The following PPARD variants were observed in gnomAD, a reference collection of about 807,000 sequenced individuals.
PPARD encodes the protein peroxisome proliferator activated receptor delta.
A neutral mutation model predicts 39.5 loss-of-function variants in PPARD; 6 were observed. That is an observed-to-expected ratio of 0.15 (90% CI 0.08 to 0.30). PPARD has a LOEUF of 0.30. Among genes scored for constraint, PPARD ranks in the 10% least tolerant of loss-of-function variants. PPARD has a pLI of 1.00. For missense variants in PPARD, 397 were observed against 596.8 expected (o/e 0.67, Z 3.49); for synonymous variants, 210 against 231.3 (o/e 0.91, Z 0.83).
intron 2 of PPARD, among the ~76,000 whole-genome samples, chr6:35,409,675 CCGA>C (rs1280882831): frequency 6.6e-6 from 1 of 151,960 alleles, no homozygotes; most frequent in East Asian, 1.9e-4. Flanking sequence ...AGACTAGTAC[CCGA>C]TAGTTATTTT....
intron 5 of PPARD, 22 bp from the exon 6 acceptor site, chr6:35,423,924 G>T: frequency 6.2e-7 from 1 of 1,612,798 alleles, no homozygotes; most frequent in South Asian, 1.1e-5. Context: ...GCTCCTTGCT[G>T]ACTGCCCCCT....
At chr6:35,343,983 C>CT (rs11420189) in intron 1 of PPARD, among the ~76,000 whole-genome samples, 27,683 of 150,626 alleles carry the variant, frequency 0.18, 5,785 homozygotes, top group African/African-American at 0.51. Context: ...GGCTCCAGAA[C>CT]TTTTTTTTTT....
chr6:35,374,954 C>G (rs1762721715), intron 2 of PPARD, among the ~76,000 whole-genome samples: 1 of 152,140 alleles, frequency 6.6e-6, no homozygotes, highest in Admixed American at 6.5e-5. Context: ...CCTAATGTCA[C>G]TCCTGTTTTT....
In PPARD at chr6:35,373,449, A is replaced by G. The variant is rs540323574; in HGVS notation, c.-102+26299A>G. On this transcript the variant is annotated intron_variant, in intron 2 of 7. Coordinates refer to ENST00000360694, the MANE Select transcript of PPARD (RefSeq NM_006238.5). ...ACTGGACACGCAGCTGCATGGATCA[A>G]TGTACCCCTGTAATTATGTAACAAG... Among the ~76,000 whole-genome samples, 19 of 152,342 alleles carry G rather than the reference A, an allele frequency of 1.2e-4. No individual in the cohort carries two copies. In the East Asian group the frequency reaches 1.5e-3, roughly 12 times the overall value.
chr6:35,386,646 T>C (rs1305196612), intron 2 of PPARD, among the ~76,000 whole-genome samples: 1 of 152,122 alleles, frequency 6.6e-6, no homozygotes, highest in African/African-American at 2.4e-5. Context: ...AAAATGATGA[T>C]AGAATCTACC....
At chr6:35,358,031 G>C (rs1761720928) in intron 2 of PPARD, among the ~76,000 whole-genome samples, 1 of 152,072 alleles carries the variant, frequency 6.6e-6, no homozygotes, top group Non-Finnish European at 1.5e-5. Flanking sequence ...TATAACCCCT[G>C]TAACCTGTGA....
chr6:35,424,054 T>C lies in PPARD; in HGVS notation c.533T>C (p.Phe178Ser), dbSNP rs2150857983. The part of the protein sequence containing the change: ...YNPQVADLKA[F>S]SKHIYNAYLK... ...CCACAGGTGGCCGACCTGAAGGCCT[T>C]CTCCAAGCACATCTACAATGCCTAC... The change falls in exon 6 of 8, where the codon TTC (phenylalanine) becomes TCC (serine). Residue 178 changes from phenylalanine to serine, a missense_variant. Physicochemically the swap from Phe to Ser is radical, Grantham distance 155. Coordinates refer to ENST00000360694, the MANE Select transcript of PPARD (RefSeq NM_006238.5). This position sits in a 1 kb window ranked among gnomAD's most constrained non-coding sequence, Gnocchi z 7.1. 4 of 1,614,152 alleles carry C rather than the reference T, an allele frequency of 2.5e-6. No individual in the cohort carries two copies. In the South Asian group the frequency reaches 4.4e-5, roughly 18 times the overall value.
At chr6:35,407,760 A>G (rs1041164366) in intron 2 of PPARD, among the ~76,000 whole-genome samples, 1 of 151,546 alleles carries the variant, frequency 6.6e-6, no homozygotes, top group Non-Finnish European at 1.5e-5. Context: ...GAGTCTGAAT[A>G]TATTATAAAA....
chr6:35,413,777 G>A (rs1464920721), intron 3 of PPARD, among the ~76,000 whole-genome samples: 3 of 151,390 alleles, frequency 2.0e-5, no homozygotes, highest in Non-Finnish European at 4.4e-5. Flanking sequence ...TCTGCCTCCC[G>A]GGCTCAAGCG....
At chr6:35,355,124 G>A (rs1341235113) in intron 2 of PPARD, among the ~76,000 whole-genome samples, 1 of 152,110 alleles carries the variant, frequency 6.6e-6, no homozygotes, top group Non-Finnish European at 1.5e-5. Flanking sequence ...CCTCAGCCTG[G>A]GAGCCTCATC....
intron 3 of PPARD, among the ~76,000 whole-genome samples, chr6:35,414,453 G>A (rs1324641151): frequency 6.6e-6 from 1 of 152,148 alleles, no homozygotes; most frequent in Non-Finnish European, 1.5e-5. Flanking sequence ...CTGTTTAAAA[G>A]GGGGGTGAGG....
chr6:35,408,989 T>C (rs1765246922), intron 2 of PPARD, among the ~76,000 whole-genome samples: 1 of 152,152 alleles, frequency 6.6e-6, no homozygotes, highest in African/African-American at 2.4e-5. Context: ...TTCATTTAGT[T>C]GTGTCTCTGT....
chr6:35,410,321 A>C (rs1193950371), intron 2 of PPARD, among the ~76,000 whole-genome samples: 1 of 152,154 alleles, frequency 6.6e-6, no homozygotes, highest in African/African-American at 2.4e-5. Context: ...AAGGGTTGGA[A>C]CTGTCTCCTC....
rs540687692 is a variant in PPARD at position 35,377,871 on chromosome 6, C to CTTTTTTTTTTTTTTTTTTTTTTTT, written c.-102+30732_-102+30733insTTTTTTTTTTTTTTTTTTTTTTTT. ...TGTGGGTCGCTGCTTGTTTACGTAT[C>CTTTTTTTTTTTTTTTTTTTTTTTT]TTTTTTTTTTTGAGACAGAGTGTTG... On this transcript the variant is annotated intron_variant, in intron 2 of 7. Transcript: ENST00000360694. 1.9e-3 allele frequency among the ~76,000 whole-genome samples: 230 copies of CTTTTTTTTTTTTTTTTTTTTTTTT among 120,280 alleles called. 24 individuals carry two copies. The highest frequency in any genetic ancestry group is 7.5e-3 in the African/African-American group (171 of 22,758). The allele number at this position is 120,280 out of a possible 152,430, so 78.9% of individuals were successfully genotyped here.
chr6:35,345,249 A>G (rs1331400956), intron 1 of PPARD, among the ~76,000 whole-genome samples: 4 of 152,046 alleles, frequency 2.6e-5, no homozygotes, highest in African/African-American at 9.7e-5. Flanking sequence ...TTCCTTCCCC[A>G]TTCAGTGATT....
intron 2 of PPARD, among the ~76,000 whole-genome samples, chr6:35,388,643 C>T (rs1763823655): frequency 6.6e-6 from 1 of 151,920 alleles, no homozygotes; most frequent in Non-Finnish European, 1.5e-5. Flanking sequence ...ACCTGGGATG[C>T]GGAGGTTGCA....
At chr6:35,396,329 C>T (rs1259946968) in intron 2 of PPARD, among the ~76,000 whole-genome samples, 4 of 151,322 alleles carry the variant, frequency 2.6e-5, no homozygotes, top group African/African-American at 4.9e-5. Context: ...CTCAGCCTCC[C>T]GAGTAGCTGG....
In PPARD at chr6:35,357,935, A is replaced by G. The variant is rs1291630990; in HGVS notation, c.-102+10785A>G. On this transcript the variant is annotated intron_variant, in intron 2 of 7. Transcript: ENST00000360694. ...ATCTGACACTTCTTTCATGTGGACC[A>G]GGGATCTGAACTGTGTTTCTTCCAA... 3.9e-5 allele frequency among the ~76,000 whole-genome samples: 6 copies of G among 152,328 alleles called. No homozygotes were observed. In the East Asian group the frequency reaches 1.2e-3, roughly 29 times the overall value.
intron 3 of PPARD, among the ~76,000 whole-genome samples, chr6:35,414,416 C>A (rs926390703): frequency 2.6e-5 from 4 of 152,170 alleles, no homozygotes; most frequent in African/African-American, 9.7e-5. Flanking sequence ...TGAAAGGCAA[C>A]TGTACTTTTT....
Sources: gnomAD v4.1 joint callset for allele counts (sites outside exome capture counted in the v4.1 genomes callset) on GRCh38, gnomAD v4.1.1 for gene constraint, Gnocchi (gnomAD v3.1) non-coding constraint, MANE v1.5 for transcripts, NCBI Gene and HGNC (gene_info 2026-07-23, HGNC 2026-07-21) for gene names.